The following PRKCB variants were observed in gnomAD, a reference collection of about 807,000 sequenced individuals.
PRKCB encodes protein kinase C beta.
A neutral mutation model predicts 81.5 loss-of-function variants in PRKCB; 13 were observed. That is an observed-to-expected ratio of 0.16 (90% CI 0.10 to 0.25). PRKCB has a LOEUF of 0.25. Among genes scored for constraint, PRKCB ranks in the 10% least tolerant of loss-of-function variants. The pLI, the probability that PRKCB is intolerant of heterozygous loss-of-function variation, is 1.00. For missense variants in PRKCB, 509 were observed against 875.7 expected (o/e 0.58, Z 5.29); for synonymous variants, 335 against 321.4 (o/e 1.04, Z -0.45).
intron 16 of PRKCB, among the ~76,000 whole-genome samples, chr16:24,212,105 C>G (rs1173471720): frequency 6.6e-6 from 1 of 152,160 alleles, no homozygotes; most frequent in Non-Finnish European, 1.5e-5. Context: ...CGGCAACTCT[C>G]CTATTTGACC....
chr16:24,219,842 G>C lies in PRKCB; in HGVS notation c.*5026G>C. ...GGAGTGCAGCTGCTAAAAATTTTCA[G>C]CACAGGGCTCTTTCTGACTCTGCTC... On this transcript the variant is annotated 3_prime_UTR_variant, in exon 17 of 17. Coordinates refer to ENST00000643927, the MANE Select transcript of PRKCB (RefSeq NM_002738.7). 1.4e-6 allele frequency: 2 copies of C among 1,429,396 alleles called. No individual in the cohort carries two copies. Among genetic ancestry groups the C allele is most frequent in the African/African-American group, 2.9e-5 (2 of 69,462 alleles). The allele number at this position is 1,429,396 out of a possible 1,614,324, so 88.5% of individuals were successfully genotyped here. A position where few individuals can be genotyped will look rare whatever the true frequency, so the allele number is the denominator to read the frequency against.
intron 9 of PRKCB, among the ~76,000 whole-genome samples, chr16:24,140,933 G>A (rs1966892753): frequency 6.6e-6 from 1 of 152,146 alleles, no homozygotes; most frequent in Admixed American, 6.6e-5. Flanking sequence ...AATTTAGCTT[G>A]GCCCAAGTCC....
At chr16:23,882,205 G>A (rs1298813846) in intron 2 of PRKCB, among the ~76,000 whole-genome samples, 1 of 150,804 alleles carries the variant, frequency 6.6e-6, no homozygotes, top group Admixed American at 6.6e-5. Context: ...TCAGCCTCCT[G>A]AGTAACTGGG....
intron 3 of PRKCB, among the ~76,000 whole-genome samples, chr16:24,027,188 C>T (rs1291797208): frequency 6.6e-6 from 1 of 152,120 alleles, no homozygotes; most frequent in African/African-American, 2.4e-5. Flanking sequence ...TGTTCCCCTC[C>T]CTGTGTCGAT....
Position 23,859,447 on chromosome 16 carries a change from G to A in PRKCB, c.205+22041G>A, listed in dbSNP as rs556823905. Among the ~76,000 whole-genome samples, 100 of 152,314 alleles carry A rather than the reference G, an allele frequency of 6.6e-4. 2 individuals carry two copies. The highest frequency in any genetic ancestry group is 3.1e-3 in the South Asian group (15 of 4,826). On this transcript the variant is annotated intron_variant, in intron 2 of 16. Coordinates refer to ENST00000643927, the MANE Select transcript of PRKCB (RefSeq NM_002738.7). Reference sequence around the variant, plus strand: ...TCAGCCGCCCTGTGATGGGCAGGGGGAAGCTGCTTTCTGTCCTCAAGCAGC... The same window carrying A: ...TCAGCCGCCCTGTGATGGGCAGGGGAAAGCTGCTTTCTGTCCTCAAGCAGC...
intron 7 of PRKCB, among the ~76,000 whole-genome samples, chr16:24,095,742 G>A (rs994558433): frequency 7.9e-5 from 12 of 151,946 alleles, no homozygotes; most frequent in East Asian, 3.9e-4. Context: ...TTAGGTTGGC[G>A]GTCTGGTCGG....
At chr16:24,157,612 A>G (rs768165421) in intron 10 of PRKCB, among the ~76,000 whole-genome samples, 7 of 150,306 alleles carry the variant, frequency 4.7e-5, no homozygotes, top group Non-Finnish European at 8.9e-5. Flanking sequence ...TGTCTAATGG[A>G]CTAATGAGAA....
At chr16:23,851,257 T>C (rs772974042) in intron 2 of PRKCB, among the ~76,000 whole-genome samples, 19 of 152,216 alleles carry the variant, frequency 1.2e-4, no homozygotes, top group Admixed American at 2.6e-4. Context: ...TGATTGTGTA[T>C]GTGGTTTGTA....
intron 9 of PRKCB, among the ~76,000 whole-genome samples, chr16:24,149,655 A>G (rs1272630113): frequency 1.3e-5 from 2 of 152,216 alleles, no homozygotes; most frequent in African/African-American, 4.8e-5. Flanking sequence ...CTTGGAATCT[A>G]TATGGTAAGC....
chr16:24,218,905 T>A lies in PRKCB; in HGVS notation c.*4089T>A. On this transcript the variant is annotated 3_prime_UTR_variant, in exon 17 of 17. Transcript: ENST00000643927. ...TGTGATGAGGCCTACATAGCAGCGA[T>A]GTGGTCAGGTAAAAATCAGGAACCC... The A allele has an allele frequency of 1.0e-6, 1 of 985,462 alleles. No individual in the cohort carries two copies. The highest frequency in any genetic ancestry group is 4.7e-5 in the South Asian group (1 of 21,288). 61.0% of individuals were successfully genotyped at this position (985,462 alleles called of 1,614,324 possible).
At chr16:24,021,917 G>A (rs574651587) in intron 3 of PRKCB, among the ~76,000 whole-genome samples, 6 of 152,230 alleles carry the variant, frequency 3.9e-5, no homozygotes, top group African/African-American at 1.2e-4. Flanking sequence ...CACATTCGAC[G>A]GTTATTTTGT....
At chr16:24,032,912 G>A (rs1202220526) in intron 4 of PRKCB, among the ~76,000 whole-genome samples, 2 of 152,220 alleles carry the variant, frequency 1.3e-5, no homozygotes, top group Admixed American at 1.3e-4. Flanking sequence ...ACTGTTTTCA[G>A]CATTGAGATG....
chr16:24,063,380 C>T (rs865926393), intron 5 of PRKCB, among the ~76,000 whole-genome samples: 2 of 151,840 alleles, frequency 1.3e-5, no homozygotes, highest in Middle Eastern at 3.2e-3. Flanking sequence ...CTACAACCTC[C>T]GCCTCCTGAG....
rs1966795725 is a variant in PRKCB, at chr16:24,121,252, A to T, written c.919-2583A>T. Among the ~76,000 whole-genome samples, 3 of 152,362 alleles carry T rather than the reference A, an allele frequency of 2.0e-5. No individual in the cohort carries two copies. The South Asian group carries it at 6.2e-4, about 32-fold the overall frequency. ...AACATACCTTTTGGACACAGTATGGAGGACCCAATCCCAGCTAGAATGCAC... is the reference window on the plus strand; with the variant it reads ...AACATACCTTTTGGACACAGTATGGTGGACCCAATCCCAGCTAGAATGCAC... On this transcript the variant is annotated intron_variant, in intron 8 of 16. Transcript: ENST00000643927.
At chr16:23,936,885 G>A (rs1226143229) in intron 2 of PRKCB, among the ~76,000 whole-genome samples, 1 of 152,150 alleles carries the variant, frequency 6.6e-6, no homozygotes, top group African/African-American at 2.4e-5. Context: ...TCCATCTGTA[G>A]AGTTCCCATA....
rs890302090 is a variant in PRKCB, at chr16:24,047,550, A to G, written c.529+12003A>G. Among the ~76,000 whole-genome samples the G allele has an allele frequency of 2.6e-5, 4 of 151,906 alleles. No individual in the cohort carries two copies. In the South Asian group the frequency reaches 6.3e-4, roughly 24 times the overall value. ...TGTCTCTCCTTCTAAAAAAAAAAAA[A>G]AGAATTTGAGCACCCGCCTCTAGTC... On this transcript the variant is annotated intron_variant, in intron 5 of 16. Coordinates refer to ENST00000643927, the MANE Select transcript of PRKCB (RefSeq NM_002738.7).
At chr16:23,871,425 G>A (rs755236861) in intron 2 of PRKCB, among the ~76,000 whole-genome samples, 4 of 152,054 alleles carry the variant, frequency 2.6e-5, no homozygotes, top group Non-Finnish European at 2.9e-5. Flanking sequence ...CTCTAAGCTC[G>A]TTCCTGCCCC....
chr16:24,044,502 TA>T (rs1432389924), intron 5 of PRKCB, among the ~76,000 whole-genome samples: 1 of 152,234 alleles, frequency 6.6e-6, no homozygotes, highest in African/African-American at 2.4e-5. Flanking sequence ...ATAGGTATAT[TA>T]TACTTCCTAT....
intron 2 of PRKCB, among the ~76,000 whole-genome samples, chr16:23,975,852 G>T (rs1468027919): frequency 6.6e-6 from 1 of 151,498 alleles, no homozygotes; most frequent in Non-Finnish European, 1.5e-5. Context: ...GACTCCTTTG[G>T]TCACAAGAGA....
Sources: gnomAD v4.1 joint callset for allele counts (sites outside exome capture counted in the v4.1 genomes callset) on GRCh38, gnomAD v4.1.1 for gene constraint, MANE v1.5 for transcripts, NCBI Gene and HGNC (gene_info 2026-07-23, HGNC 2026-07-21) for gene names.